NBPF12: variants seen among roughly 807,000 people sequenced by gnomAD.
The protein encoded by NBPF12 is NBPF member 12.
NBPF12 carries 115 observed loss-of-function variants against 146.4 expected under a neutral mutation model. That is an observed-to-expected ratio of 0.79 (90% CI 0.68 to 0.92). The LOEUF is 0.92. Ranked by LOEUF, NBPF12 falls within the 40% of genes least tolerant of loss-of-function variation. NBPF12 has a pLI of 0.00. For synonymous variants in NBPF12, 385 were observed against 508.9 expected, an observed-to-expected ratio of 0.76 and a Z score of 3.28; for missense variants, 1,205 against 1,326.8, an observed-to-expected ratio of 0.91 and a Z score of 1.43.
At chr1:146,963,571 C>T (rs1570842400) in intron 6 of NBPF12, among the ~76,000 whole-genome samples, 1 of 151,842 alleles carries the variant, frequency 6.6e-6, no homozygotes, top group Non-Finnish European at 1.5e-5. Context: ...TTTTAAAGGA[C>T]AGGAAGGAGG....
At chr1:146,942,234 A>G (rs1654842370) in intron 1 of NBPF12, among the ~76,000 whole-genome samples, 1 of 151,520 alleles carries the variant, frequency 6.6e-6, no homozygotes, top group African/African-American at 2.4e-5. Context: ...GTTGATTGTC[A>G]CACCTTGGCA....
chr1:146,968,662 T>G lies in NBPF12; in HGVS notation c.1091+112T>G. The G allele has an allele frequency of 3.1e-6, 3 of 959,426 alleles. No individual in the cohort carries two copies. The Admixed American group carries it at 5.6e-5, about 18-fold the overall frequency. 59.4% of individuals were successfully genotyped at this position (959,426 alleles called of 1,614,324 possible). Reference sequence around the variant, plus strand: ...GCTGGGCCAGGGGAAGGGCAGGAATTGCCATGGCAGGCTCGCTACACACAA... The same window carrying G: ...GCTGGGCCAGGGGAAGGGCAGGAATGGCCATGGCAGGCTCGCTACACACAA... On this transcript the variant is annotated intron_variant, in intron 10 of 33. Coordinates refer to ENST00000617844, the Ensembl canonical transcript of NBPF12.
chr1:146,970,568 T>C (rs1656534783), intron 11 of NBPF12, 79 bp from the exon 15 acceptor site: 4 of 1,535,000 alleles, frequency 2.6e-6, no homozygotes, highest in African/African-American at 1.4e-5. Context: ...TAGATGTTCA[T>C]GTCTCTGTGC....
exon 5 of NBPF12, chr1:146,962,174 T>C (rs1314653275): frequency 5.6e-6 from 9 of 1,608,830 alleles, no homozygotes; most frequent in Non-Finnish European, 7.6e-6. Context: ...ATGAAGAGTG[T>C]AAAGACCTCA....
exon 34 of NBPF12, chr1:146,994,596 A>T (rs1658425959): frequency 1.9e-6 from 3 of 1,594,924 alleles, no homozygotes; most frequent in Admixed American, 1.7e-5. Context: ...CTAAGCCGAG[A>T]GGTTTCATTC....
chr1:146,969,701 C>T (rs1345892158), intron 11 of NBPF12, 105 bp downstream of exon 14: 4 of 1,566,996 alleles, frequency 2.6e-6, no homozygotes, highest in Non-Finnish European at 3.5e-6. Context: ...TTTTTTTCTA[C>T]TACACATGTG....
chr1:146,961,180 TA>T (rs1440028251), intron 4 of NBPF12, among the ~76,000 whole-genome samples: 9 of 151,698 alleles, frequency 5.9e-5, no homozygotes, highest in Non-Finnish European at 1.2e-4. Context: ...AAATCAAAAA[TA>T]AAAATAAAAA....
At chr1:146,969,618 A>G in intron 11 of NBPF12, 22 bp downstream of exon 14, 1 of 1,608,964 alleles carries the variant, frequency 6.2e-7, no homozygotes, top group Non-Finnish European at 8.5e-7. Flanking sequence ...ACAGGCCCTG[A>G]TGACCCAAAA....
chr1:146,976,252 A>T (rs1657004669), intron 16 of NBPF12, among the ~76,000 whole-genome samples: 1 of 151,754 alleles, frequency 6.6e-6, no homozygotes, highest in African/African-American at 2.4e-5. Flanking sequence ...TGTTCTTAGT[A>T]ACTGTCGGTG....
intron 14 of NBPF12, among the ~76,000 whole-genome samples, chr1:146,973,304 C>T (rs1196876693): frequency 6.6e-6 from 1 of 151,682 alleles, no homozygotes; most frequent in Non-Finnish European, 1.5e-5. Flanking sequence ...AACATCTAGT[C>T]TGTTGTTCTA....
At chr1:146,984,530 T>C (rs1264639540) in intron 21 of NBPF12, among the ~76,000 whole-genome samples, 1 of 149,624 alleles carries the variant, frequency 6.7e-6, no homozygotes, top group Non-Finnish European at 1.5e-5. Flanking sequence ...AGAGTGTCCT[T>C]TGACTCCCTC....
intron 4 of NBPF12, among the ~76,000 whole-genome samples, chr1:146,960,641 T>C (rs1199888066): frequency 3.9e-5 from 6 of 151,954 alleles, no homozygotes; most frequent in African/African-American, 1.5e-4. Context: ...TATAAGATCC[T>C]GCAGACAAAT....
rs1314579900 is a variant in NBPF12 at position 146,972,699 on chromosome 1, T to C, written c.1592-52T>C. 4.8e-4 allele frequency: 656 copies of C among 1,371,926 alleles called. 1 individual carries two copies. Among genetic ancestry groups the C allele is most frequent in the Admixed American group, 7.0e-4 (42 of 59,656 alleles). 85.0% of individuals were successfully genotyped at this position (1,371,926 alleles called of 1,614,324 possible). A position where few individuals can be genotyped will look rare whatever the true frequency, so the allele number is the denominator to read the frequency against. Reference sequence around the variant, plus strand: ...CATCCCTCAGTCCTGATTAAGCCTATTTCATTTCATCAGTTTTTAACCCAT... The same window carrying C: ...CATCCCTCAGTCCTGATTAAGCCTACTTCATTTCATCAGTTTTTAACCCAT... On this transcript the variant is annotated intron_variant, in intron 13 of 33. Coordinates refer to ENST00000617844, the Ensembl canonical transcript of NBPF12.
rs1389516372 is a variant in NBPF12 at position 146,941,623 on chromosome 1, G to A, written c.-821-1668G>A. On this transcript the variant is annotated intron_variant, in intron 1 of 35. Coordinates refer to the NBPF12 transcript ENST00000617931. ...ACAAAAATTAGCTGGATGTGGTGGC[G>A]GGCACCTGTAATCCCAGCTACTCAG... Among the ~76,000 whole-genome samples the A allele has an allele frequency of 2.7e-5, 4 of 146,034 alleles. No individual in the cohort carries two copies. The East Asian group carries it at 6.4e-4, about 24-fold the overall frequency.
At chr1:146,970,811 AG>A (rs1174693100) in intron 12 of NBPF12, 92 bp downstream of exon 15, 1 of 1,129,860 alleles carries the variant, frequency 8.9e-7, no homozygotes, top group African/African-American at 1.5e-5. Context: ...ATGGGCCAAA[AG>A]CCCGCATTCC....
At chr1:146,968,574 G>T (rs1553885931) in intron 10 of NBPF12, 24 bp downstream of exon 13, 3 of 1,544,458 alleles carry the variant, frequency 1.9e-6, no homozygotes, top group Admixed American at 1.7e-5. Context: ...ATGGGGGCAG[G>T]CAGGGGGGCA....
chr1:146,980,591 A>G (rs1657309817), intron 19 of NBPF12, among the ~76,000 whole-genome samples: 1 of 151,924 alleles, frequency 6.6e-6, no homozygotes, highest in Admixed American at 6.6e-5. Context: ...TTGGCTGGAT[A>G]TGAAATTCTT....
Position 146,960,321 on chromosome 1 carries a change from A to G in NBPF12, c.175+3A>G, listed in dbSNP as rs1655770474. On this transcript the variant is annotated splice_donor_region_variant and intron_variant, in intron 4 of 33. Transcript: ENST00000617844. Reference sequence around the variant, plus strand: ...GGCCAACCGACAGAAGAAATACAGTAAGATCTATAGGCTCACCATCATGAA... The same window carrying G: ...GGCCAACCGACAGAAGAAATACAGTGAGATCTATAGGCTCACCATCATGAA... The G allele has an allele frequency of 4.4e-5, 63 of 1,417,976 alleles. 1 individual carries two copies. The South Asian group carries it at 6.9e-4, about 16-fold the overall frequency. 87.8% of individuals were successfully genotyped at this position (1,417,976 alleles called of 1,614,324 possible). A position where few individuals can be genotyped will look rare whatever the true frequency, so the allele number is the denominator to read the frequency against.
chr1:146,971,713 C>G (rs1342031189), intron 13 of NBPF12, among the ~76,000 whole-genome samples: 1 of 150,460 alleles, frequency 6.6e-6, no homozygotes, highest in Non-Finnish European at 1.5e-5. Flanking sequence ...TCGGCTAACA[C>G]GATCCTCCCA....
Sources: gnomAD v4.1 joint callset for allele counts (sites outside exome capture counted in the v4.1 genomes callset) on GRCh38, gnomAD v4.1.1 for gene constraint, MANE v1.5 for transcripts, NCBI Gene and HGNC (gene_info 2026-07-23, HGNC 2026-07-21) for gene names.